CAMTA1: variants seen among roughly 807,000 people sequenced by gnomAD.
CAMTA1 encodes the protein calmodulin binding transcription activator 1.
A neutral mutation model predicts 170.9 loss-of-function variants in CAMTA1; 27 were observed. The observed-to-expected ratio is 0.16, with a 90% CI of 0.12 to 0.22. The LOEUF (loss-of-function observed/expected upper bound fraction) is 0.22. CAMTA1 is among the 10% of genes least tolerant of loss of function. CAMTA1 has a pLI of 1.00. For missense variants in CAMTA1, 1,619 were observed against 2,217.2 expected (o/e 0.73, Z 5.42); for synonymous variants, 833 against 891.5 (o/e 0.93, Z 1.17).
At chr1:7,658,299 C>A (rs929156809) in intron 7 of CAMTA1, among the ~76,000 whole-genome samples, 1 of 152,218 alleles carries the variant, frequency 6.6e-6, no homozygotes, top group African/African-American at 2.4e-5. Flanking sequence ...CAGTTCCCTG[C>A]TGAGTTTAAG....
intron 6 of CAMTA1, among the ~76,000 whole-genome samples, chr1:7,499,770 AGT>A (rs140993059): frequency 0.63 from 75,383 of 119,906 alleles, 23,423 homozygotes; most frequent in African/African-American, 0.77. Context: ...GCCTGTTGTG[AGT>A]GTGTGTGTCC....
Position 7,203,249 on chromosome 1 carries a change from T to C in CAMTA1, c.303-46242T>C, listed in dbSNP as rs540355638. 1.5e-4 allele frequency among the ~76,000 whole-genome samples: 23 copies of C among 152,320 alleles called. No individual in the cohort carries two copies. In the South Asian group the frequency reaches 4.6e-3, roughly 30 times the overall value. On this transcript the variant is annotated intron_variant, in intron 4 of 22. Coordinates refer to ENST00000303635, the MANE Select transcript of CAMTA1 (RefSeq NM_015215.4). ...TTACATGTTGCTGGATTCAGTTTGCTAGTATTTTGTTGAGGATTTTTTTAT... is the reference window on the plus strand; with the variant it reads ...TTACATGTTGCTGGATTCAGTTTGCCAGTATTTTGTTGAGGATTTTTTTAT...
chr1:7,686,122 T>C (rs1028728054), intron 11 of CAMTA1, among the ~76,000 whole-genome samples: 1 of 152,214 alleles, frequency 6.6e-6, no homozygotes, highest in African/African-American at 2.4e-5. Context: ...CTGGTCAACA[T>C]GGACTCGGCA....
intron 5 of CAMTA1, among the ~76,000 whole-genome samples, chr1:7,407,122 C>G (rs779760872): frequency 2.6e-4 from 39 of 152,336 alleles, no homozygotes; most frequent in Non-Finnish European, 5.4e-4. Flanking sequence ...CAAGCAGGCC[C>G]TTCTGAGCAG....
rs185008388 is a variant in CAMTA1 at position 6,953,452 on chromosome 1, G to A, written c.234+128242G>A. Among the ~76,000 whole-genome samples the A allele has an allele frequency of 1.1e-3, 164 of 152,338 alleles. 1 individual carries two copies. The highest frequency in any genetic ancestry group is 3.2e-3 in the African/African-American group (133 of 41,582). ...TGGGGGTCCTTTCACCATCATACCCGGAGGCTGTGGCTTCAGGCCTGGGTC... is the reference window on the plus strand; with the variant it reads ...TGGGGGTCCTTTCACCATCATACCCAGAGGCTGTGGCTTCAGGCCTGGGTC... On this transcript the variant is annotated intron_variant, in intron 3 of 22. Coordinates refer to ENST00000303635, the MANE Select transcript of CAMTA1 (RefSeq NM_015215.4).
intron 4 of CAMTA1, among the ~76,000 whole-genome samples, chr1:7,094,398 C>T (rs1007610943): frequency 6.6e-6 from 1 of 152,210 alleles, no homozygotes; most frequent in African/African-American, 2.4e-5. Context: ...CTGTTTGCTG[C>T]TGCCGCCGCC....
chr1:7,370,745 T>C (rs2086378642), intron 5 of CAMTA1, among the ~76,000 whole-genome samples: 1 of 152,128 alleles, frequency 6.6e-6, no homozygotes, highest in Non-Finnish European at 1.5e-5. Flanking sequence ...CATAAATGGA[T>C]ATATCAATTG....
chr1:7,312,198 TGA>T (rs1390521057), intron 5 of CAMTA1, among the ~76,000 whole-genome samples: 3 of 152,104 alleles, frequency 2.0e-5, no homozygotes, highest in Non-Finnish European at 2.9e-5. Flanking sequence ...CTAACTATTG[TGA>T]GAGAGTTTCC....
In CAMTA1 at chr1:7,585,173, C is replaced by A. The variant is rs139818788; in HGVS notation, c.511-55227C>A. On this transcript the variant is annotated intron_variant, in intron 6 of 22. Coordinates refer to ENST00000303635, the MANE Select transcript of CAMTA1 (RefSeq NM_015215.4). This position sits in a 1 kb window ranked among gnomAD's most constrained non-coding sequence, Gnocchi z 4.8. Reference sequence around the variant, plus strand: ...CAAATGAGTTATGAACAAGCTGTGGCTTTTAGAGCTTTATGGATTTTGGAA... The same window carrying A: ...CAAATGAGTTATGAACAAGCTGTGGATTTTAGAGCTTTATGGATTTTGGAA... Among the ~76,000 whole-genome samples, 69 of 152,136 alleles carry A rather than the reference C, an allele frequency of 4.5e-4. No individual in the cohort carries two copies. The highest frequency in any genetic ancestry group is 8.3e-4 in the South Asian group (4 of 4,828).
At chr1:7,507,255 G>C (rs2094133610) in intron 6 of CAMTA1, among the ~76,000 whole-genome samples, 1 of 151,836 alleles carries the variant, frequency 6.6e-6, no homozygotes, top group Non-Finnish European at 1.5e-5. Context: ...TCACATATTT[G>C]CACACTCGCA....
chr1:6,968,119 A>C (rs1269961793), intron 3 of CAMTA1, among the ~76,000 whole-genome samples: 1 of 152,142 alleles, frequency 6.6e-6, no homozygotes, highest in Non-Finnish European at 1.5e-5. Context: ...GCATCATGGA[A>C]CCCACGAATT....
At chr1:7,703,359 T>C (rs867403194) in intron 11 of CAMTA1, among the ~76,000 whole-genome samples, 1 of 151,920 alleles carries the variant, frequency 6.6e-6, no homozygotes, top group Non-Finnish European at 1.5e-5. Flanking sequence ...TAGAGCAGGA[T>C]TGGAATATGT....
chr1:7,266,408 A>T (rs1668940032), intron 5 of CAMTA1, among the ~76,000 whole-genome samples: 1 of 152,220 alleles, frequency 6.6e-6, no homozygotes. Flanking sequence ...GGAGTTAGAG[A>T]CAAAGGGATG....
At chr1:7,654,640 A>C in intron 7 of CAMTA1, among the ~76,000 whole-genome samples, 1 of 128,740 alleles carries the variant, frequency 7.8e-6, no homozygotes, top group African/African-American at 2.9e-5. Context: ...CTATACACAC[A>C]CAAGCACACA....
At chr1:6,797,782 A>C (rs941966520) in intron 1 of CAMTA1, among the ~76,000 whole-genome samples, 2 of 152,092 alleles carry the variant, frequency 1.3e-5, no homozygotes, top group Non-Finnish European at 2.9e-5. Context: ...GGTTAAACTA[A>C]ATTATCTAAT....
chr1:7,633,443 G>A lies in CAMTA1; in HGVS notation c.511-6957G>A, dbSNP rs2095686169. On this transcript the variant is annotated intron_variant, in intron 6 of 22. Transcript: ENST00000303635. This position sits in a 1 kb window ranked among gnomAD's most constrained non-coding sequence, Gnocchi z 4.1. ...CCCCTCCTGGGCCCCTTCTGGGGGA[G>A]TGGACCCCCTCCTCTTCCAGCCCAT... Among the ~76,000 whole-genome samples, 1 of 152,194 alleles carries A rather than the reference G, an allele frequency of 6.6e-6. No individual in the cohort carries two copies. The highest frequency in any genetic ancestry group is 1.9e-4 in the East Asian group (1 of 5,190).
chr1:6,958,010 G>A (rs542950646), intron 3 of CAMTA1, among the ~76,000 whole-genome samples: 2 of 152,314 alleles, frequency 1.3e-5, no homozygotes, highest in South Asian at 4.1e-4. Flanking sequence ...CACCTCAGAT[G>A]TCACTTGCAT....
chr1:7,497,233 A>C (rs2093843829), intron 6 of CAMTA1, among the ~76,000 whole-genome samples: 1 of 152,114 alleles, frequency 6.6e-6, no homozygotes, highest in Non-Finnish European at 1.5e-5. Flanking sequence ...CCCACCCATC[A>C]GACACGATGG....
At chr1:6,927,773 T>G (rs1683605119) in intron 3 of CAMTA1, among the ~76,000 whole-genome samples, 1 of 152,192 alleles carries the variant, frequency 6.6e-6, no homozygotes. Flanking sequence ...CCCACAAAAA[T>G]GTAAATATTC....
Sources: allele counts gnomAD v4.1 joint callset (sites outside exome capture counted in the v4.1 genomes callset), GRCh38; gene constraint gnomAD v4.1.1; non-coding constraint Gnocchi (gnomAD v3.1); transcripts MANE v1.5; gene names NCBI Gene and HGNC (gene_info 2026-07-23, HGNC 2026-07-21).